Variants in BCL11A observed in about 807,000 individuals in gnomAD.
The protein encoded by BCL11A is BCL11 transcription factor A, also known as B cell CLL/lymphoma 11A.
In BCL11A, 2 loss-of-function variants were observed where a neutral mutation model predicts 55.9. The observed-to-expected ratio is 0.04, with a 90% confidence interval of 0.01 to 0.11. BCL11A has a LOEUF of 0.11. Ranked by LOEUF, BCL11A falls within the 10% of genes least tolerant of loss-of-function variation. The pLI is 1.00. For synonymous variants in BCL11A, 465 were observed against 473.4 expected (o/e 0.98, Z 0.23); for missense variants, 817 against 1,137.1 (o/e 0.72, Z 4.05).
chr2:60,479,568 G>A (rs758515955), intron 2 of BCL11A, among the ~76,000 whole-genome samples: 6 of 152,146 alleles, frequency 3.9e-5, no homozygotes, highest in Non-Finnish European at 5.9e-5. Flanking sequence ...CTCTGTCACC[G>A]GCCCACAGAT....
intron 2 of BCL11A, among the ~76,000 whole-genome samples, chr2:60,496,835 C>G (rs1678977323): frequency 6.6e-6 from 1 of 152,176 alleles, no homozygotes; most frequent in Admixed American, 6.5e-5. Context: ...ACCCCTTCCT[C>G]AAATCTCCCT....
At chr2:60,524,944 G>A (rs939474269) in intron 2 of BCL11A, 4 of 152,168 alleles carry the variant, frequency 2.6e-5, no homozygotes, top group Non-Finnish European at 5.9e-5. Flanking sequence ...TCCCAGAACA[G>A]GCCATATGCT....
chr2:60,452,295 AG>A, downstream of BCL11A: 1 of 331,744 alleles, frequency 3.0e-6, no homozygotes, highest in Non-Finnish European at 5.6e-6. Context: ...CAGAAGGGCC[AG>A]GGCATCACTC....
chr2:60,544,106 A>G (rs572239233), intron 2 of BCL11A: 1 of 152,342 alleles, frequency 6.6e-6, no homozygotes, highest in East Asian at 1.9e-4. Context: ...TGAGCTGGTT[A>G]ATCTAAGACT....
chr2:60,511,483 C>T (rs1341735738), intron 2 of BCL11A, among the ~76,000 whole-genome samples: 1 of 152,192 alleles, frequency 6.6e-6, no homozygotes, highest in African/African-American at 2.4e-5. Flanking sequence ...CTAATGGCCA[C>T]TTGTTACCAT....
intron 2 of BCL11A, chr2:60,545,395 A>G (rs1304995727): frequency 6.5e-6 from 1 of 154,182 alleles, no homozygotes; most frequent in East Asian, 1.9e-4. Context: ...GTGTTTAATT[A>G]CAGCCCCATC....
chr2:60,526,942 C>T (rs1428745831), intron 2 of BCL11A: 2 of 152,262 alleles, frequency 1.3e-5, no homozygotes, highest in African/African-American at 2.4e-5. Flanking sequence ...TTTTAGTCGA[C>T]ATTTCAATCA....
At chr2:60,521,711 T>C (rs1468037890) in intron 2 of BCL11A, among the ~76,000 whole-genome samples, 4 of 152,136 alleles carry the variant, frequency 2.6e-5, no homozygotes. Context: ...CATCTTTCTC[T>C]AATAGCCAGG....
chr2:60,504,905 C>G (rs1003538177), intron 2 of BCL11A, among the ~76,000 whole-genome samples: 1 of 152,014 alleles, frequency 6.6e-6, no homozygotes, highest in East Asian at 1.9e-4. Context: ...AGCGTCCCCC[C>G]AAAAAAACAG....
intron 2 of BCL11A, among the ~76,000 whole-genome samples, chr2:60,515,222 CCAG>C (rs973885439): frequency 1.3e-5 from 2 of 152,202 alleles, no homozygotes; most frequent in South Asian, 2.1e-4. Flanking sequence ...TATCCCAACC[CCAG>C]CACTTTCACT....
chr2:60,544,194 C>T (rs1031218515), intron 2 of BCL11A: 4 of 152,196 alleles, frequency 2.6e-5, no homozygotes, highest in Non-Finnish European at 2.9e-5. Context: ...GTCTTTTAAA[C>T]GAGCAGCTCG....
chr2:60,532,658 T>C (rs1376051473), intron 2 of BCL11A, among the ~76,000 whole-genome samples: 1 of 152,260 alleles, frequency 6.6e-6, no homozygotes. Context: ...TTCATTATTA[T>C]GACTTTACTT....
intron 3 of BCL11A, among the ~76,000 whole-genome samples, chr2:60,465,571 T>C (rs975505133): frequency 1.3e-5 from 2 of 152,190 alleles, no homozygotes; most frequent in African/African-American, 2.4e-5. Context: ...GAAAAAGTCA[T>C]GTGATCTAAG....
chr2:60,451,351 A>G (rs1675715439), exon 5 of BCL11A: 2 of 228,062 alleles, frequency 8.8e-6, no homozygotes, highest in Non-Finnish European at 1.7e-5. Context: ...TGACAAACCT[A>G]TTTTAATTTG....
rs747182581 is a variant in BCL11A at position 60,460,539 on chromosome 2, C to T, written c.2373G>A (p.Thr791=). Residue 791 remains threonine, a synonymous_variant, in exon 4 of 4, where the codon ACG becomes ACA. Coordinates refer to ENST00000642384, the MANE Select transcript of BCL11A (RefSeq NM_022893.4). ...QSSKLTRHMK[T]HGQVGKDVYK... Reference sequence around the variant, plus strand: ...AAACGTCCTTCCCCACCTGGCCATGCGTTTTCATGTGCCTGGTGAGCTTGC... The same window carrying T: ...AAACGTCCTTCCCCACCTGGCCATGTGTTTTCATGTGCCTGGTGAGCTTGC... 17 of 1,614,020 alleles carry T rather than the reference C, an allele frequency of 1.1e-5. 1 individual carries two copies. The highest frequency in any genetic ancestry group is 3.3e-5 in the South Asian group (3 of 91,086).
intron 2 of BCL11A, among the ~76,000 whole-genome samples, chr2:60,472,665 C>G (rs934124423): frequency 2.4e-4 from 37 of 152,208 alleles, no homozygotes; most frequent in African/African-American, 8.0e-4. Context: ...ACAAAGAGCT[C>G]TAAGCCCAGT....
intron 3 of BCL11A, among the ~76,000 whole-genome samples, chr2:60,467,920 GGTGGTGGTA>G (rs1183443045): frequency 2.2e-5 from 3 of 135,452 alleles, no homozygotes; most frequent in African/African-American, 5.5e-5. Flanking sequence ...TGGTGGTGGT[GGTGGTGGTA>G]GTGATGGTGG....
At chr2:60,529,786 C>G (rs1159097927) in intron 2 of BCL11A, among the ~76,000 whole-genome samples, 4 of 152,288 alleles carry the variant, frequency 2.6e-5, no homozygotes, top group African/African-American at 9.6e-5. Flanking sequence ...GGTGCCTTTT[C>G]AAGTCTATGA....
Position 60,518,337 on chromosome 2 carries a change from G to C in BCL11A, c.385+27634C>G, listed in dbSNP as rs60179237. Among the ~76,000 whole-genome samples, 437 of 152,224 alleles carry C rather than the reference G, an allele frequency of 2.9e-3. 2 individuals carry two copies. The highest frequency in any genetic ancestry group is 0.01 in the African/African-American group (426 of 41,510). The stretch of plus-strand genomic sequence containing the variant: ...GGATTAGACCTACCGTTCCATACCA[G>C]TGTGTTACAGCCTGTCATGAAGCAG... On this transcript the variant is annotated intron_variant, in intron 2 of 3. Coordinates refer to ENST00000642384, the MANE Select transcript of BCL11A (RefSeq NM_022893.4).
Sources: allele counts gnomAD v4.1 joint callset (sites outside exome capture counted in the v4.1 genomes callset), GRCh38; gene constraint gnomAD v4.1.1; transcripts MANE v1.5; gene names NCBI Gene and HGNC (gene_info 2026-07-23, HGNC 2026-07-21).